ANKFN1: variants seen among roughly 807,000 people sequenced by gnomAD.
ANKFN1 encodes ankyrin repeat and fibronectin type-III domain-containing protein 1.
A neutral mutation model predicts 108.7 loss-of-function variants in ANKFN1; 74 were observed. That is an observed-to-expected ratio of 0.68 (90% CI 0.56 to 0.83). The LOEUF is 0.83. Among genes scored for constraint, ANKFN1 ranks in the 40% least tolerant of loss-of-function variants. The pLI, the probability that ANKFN1 is intolerant of heterozygous loss-of-function variation, is 0.00. For synonymous variants in ANKFN1, 547 were observed against 516.2 expected (o/e 1.06, Z -0.81); for missense variants, 1,505 against 1,382.3 (o/e 1.09, Z -1.41).
intron 4 of ANKFN1, among the ~76,000 whole-genome samples, chr17:56,147,938 C>A (rs1314645780): frequency 6.6e-6 from 1 of 152,196 alleles, no homozygotes; most frequent in Admixed American, 6.5e-5. Flanking sequence ...TCCTTCTTCT[C>A]TGCCAGATCC....
chr17:56,457,992 G>C lies in ANKFN1; in HGVS notation c.1557+13G>C, dbSNP rs765114232. ...AGCACAGCTACAGGTAAGGGACCAG[G>C]TTTCAACCCAGGCCCCCAAGGAAAA... On this transcript the variant is annotated intron_variant, in intron 14 of 20. Transcript: ENST00000682825. 3.7e-6 allele frequency: 6 copies of C among 1,607,484 alleles called. No individual in the cohort carries two copies. The Admixed American group carries it at 1.0e-4, about 27-fold the overall frequency.
chr17:56,300,126 A>G (rs1353211002), intron 3 of ANKFN1, among the ~76,000 whole-genome samples: 2 of 152,178 alleles, frequency 1.3e-5, no homozygotes, highest in Non-Finnish European at 2.9e-5. Flanking sequence ...TATAACGCTG[A>G]TCTCTGACTC....
At chr17:56,106,996 A>G (rs1033989726) in intron 4 of ANKFN1, among the ~76,000 whole-genome samples, 1 of 152,104 alleles carries the variant, frequency 6.6e-6, no homozygotes. Context: ...GGAAGCTTCA[A>G]TTTTGCATGT....
intron 4 of ANKFN1, among the ~76,000 whole-genome samples, chr17:56,058,817 C>A (rs1035854546): frequency 1.3e-5 from 2 of 152,198 alleles, no homozygotes; most frequent in Non-Finnish European, 2.9e-5. Flanking sequence ...ACCACATTTT[C>A]TTTACCCAGT....
intron 1 of ANKFN1, chr17:56,174,281 G>A (rs1203388095): frequency 7.1e-6 from 7 of 985,476 alleles, no homozygotes; most frequent in African/African-American, 1.7e-5. Context: ...ACTCTTCACT[G>A]CAAAGCCTCA....
At chr17:56,252,295 G>A (rs2043253019) in intron 3 of ANKFN1, 2 of 152,192 alleles carry the variant, frequency 1.3e-5, no homozygotes, top group Non-Finnish European at 2.9e-5. Context: ...ATGGAACCAA[G>A]ACTAGAATTC....
chr17:56,271,584 G>A (rs929732875), intron 3 of ANKFN1, among the ~76,000 whole-genome samples: 1 of 152,186 alleles, frequency 6.6e-6, no homozygotes, highest in Non-Finnish European at 1.5e-5. Context: ...GGATAAGGTA[G>A]TATCGATGCA....
intron 3 of ANKFN1, among the ~76,000 whole-genome samples, chr17:56,288,722 A>G (rs2044283790): frequency 1.3e-5 from 2 of 152,220 alleles, no homozygotes; most frequent in African/African-American, 4.8e-5. Context: ...GCCCAGAGGA[A>G]GAGCCTTTAG....
chr17:56,255,914 C>G (rs1194799824), intron 3 of ANKFN1, among the ~76,000 whole-genome samples: 1 of 152,170 alleles, frequency 6.6e-6, no homozygotes, highest in East Asian at 1.9e-4. Context: ...TGGCTCATGC[C>G]TGTAATCTCA....
intron 18 of ANKFN1, among the ~76,000 whole-genome samples, chr17:56,486,295 G>A (rs796265636): frequency 1.7e-4 from 26 of 152,282 alleles, no homozygotes; most frequent in African/African-American, 4.8e-4. Context: ...GGTTGGGCTC[G>A]GTTCCATTGG....
chr17:56,457,114 T>G, intron 12 of ANKFN1, 143 bp from the exon 13 acceptor site: 1 of 1,129,658 alleles, frequency 8.9e-7, no homozygotes, highest in South Asian at 1.6e-5. Context: ...ATTTTCTCTC[T>G]TTTGAGTTGT....
intron 4 of ANKFN1, among the ~76,000 whole-genome samples, chr17:56,081,924 G>A (rs1002467623): frequency 3.9e-5 from 6 of 152,146 alleles, no homozygotes; most frequent in African/African-American, 7.2e-5. Flanking sequence ...GTGAGCCCAC[G>A]CACCGAACTC....
intron 4 of ANKFN1, among the ~76,000 whole-genome samples, chr17:56,076,344 T>C (rs552859164): frequency 1.3e-3 from 201 of 152,342 alleles, no homozygotes; most frequent in African/African-American, 4.7e-3. Context: ...ATTTTTCACA[T>C]TTTGGAAGCA....
chr17:56,511,300 T>C lies in ANKFN1; in HGVS notation c.*31T>C. 1.3e-6 allele frequency: 2 copies of C among 1,482,824 alleles called. No homozygotes were observed. Among genetic ancestry groups the C allele is most frequent in the Non-Finnish European group, 1.8e-6 (2 of 1,117,130 alleles). The allele number at this position is 1,482,824 out of a possible 1,614,324, so 91.9% of individuals were successfully genotyped here. On this transcript the variant is annotated 3_prime_UTR_variant, in exon 21 of 21. Transcript: ENST00000682825. ...CCCATCCCGGCTGTCCACCCCTCCA[T>C]GGCTGCTACCTGCGTTTTACATCAC...
rs143387477 is a variant in ANKFN1 at position 56,250,961 on chromosome 17, G to A, written c.53+23004G>A. On this transcript the variant is annotated intron_variant, in intron 3 of 20. Transcript: ENST00000682825. ...ATAATCTCGTTAACAGCAAAATAAA[G>A]ATTGGTAATTTTTTTTTTCCCAAAG... Among the ~76,000 whole-genome samples, 284 of 151,804 alleles carry A rather than the reference G, an allele frequency of 1.9e-3. 3 individuals carry two copies. The highest frequency in any genetic ancestry group is 6.6e-3 in the African/African-American group (272 of 41,508).
intron 14 of ANKFN1, among the ~76,000 whole-genome samples, chr17:56,464,499 G>A (rs1240708876): frequency 6.6e-6 from 1 of 152,130 alleles, no homozygotes; most frequent in Non-Finnish European, 1.5e-5. Flanking sequence ...ATGCAGTAAA[G>A]CCAGAGACAT....
intron 3 of ANKFN1, among the ~76,000 whole-genome samples, chr17:56,255,787 T>G (rs779253915): frequency 2.0e-5 from 3 of 152,240 alleles, no homozygotes; most frequent in African/African-American, 4.8e-5. Flanking sequence ...GGTACCGTGA[T>G]TATATTTTAT....
At chr17:56,303,903 G>A (rs1447738559) in intron 3 of ANKFN1, among the ~76,000 whole-genome samples, 1 of 108,802 alleles carries the variant, frequency 9.2e-6, no homozygotes, top group Admixed American at 9.9e-5. Flanking sequence ...TCACCATTTT[G>A]GCCAGGATGG....
At position 56,275,431 on chromosome 17, in the gene ANKFN1, C is replaced by T. The variant is rs977062970; in HGVS notation, c.53+47474C>T. On this transcript the variant is annotated intron_variant, in intron 3 of 20. Transcript: ENST00000682825. ...TCTATGTAAGAACCACTACCATAGA[C>T]GATTAGGAGAAGACTGTGCTGTTCA... is the stretch of plus-strand genomic sequence containing the variant. Among the ~76,000 whole-genome samples the T allele has an allele frequency of 7.9e-5, 12 of 151,360 alleles. No individual in the cohort carries two copies. In the East Asian group the frequency reaches 1.5e-3, roughly 19 times the overall value.
Sources: gnomAD v4.1 joint callset for allele counts (sites outside exome capture counted in the v4.1 genomes callset) on GRCh38, gnomAD v4.1.1 for gene constraint, MANE v1.5 for transcripts, NCBI Gene and HGNC (gene_info 2026-07-23, HGNC 2026-07-21) for gene names.